ADAM28: variants seen among roughly 807,000 people sequenced by gnomAD.
The protein encoded by ADAM28 is disintegrin and metalloproteinase domain-containing protein 28.
ADAM28 carries 105 observed loss-of-function variants against 101.2 expected under a neutral mutation model. That is an observed-to-expected ratio of 1.04 (90% confidence interval 0.89 to 1.22). ADAM28 has a LOEUF of 1.22. ADAM28 is among the 50% of genes most tolerant of loss of function. The probability of loss-of-function intolerance (pLI) is 0.00; values close to 1 mark genes in which losing one functional copy is unlikely to be tolerated. For synonymous variants in ADAM28, 322 were observed against 310.6 expected, an observed-to-expected ratio of 1.04 and a Z score of -0.39; for missense variants, 1,028 against 945.4, an observed-to-expected ratio of 1.09 and a Z score of -1.15.
At chr8:24,309,511 C>A (rs1032113623) in intron 2 of ADAM28, among the ~76,000 whole-genome samples, 14 of 152,170 alleles carry the variant, frequency 9.2e-5, no homozygotes, top group Non-Finnish European at 1.8e-4. Flanking sequence ...CATCCATTAT[C>A]ATGCACATAA....
In ADAM28 at chr8:24,330,116, G is replaced by A. The variant is rs546070570; in HGVS notation, c.1103+1G>A. The A allele has an allele frequency of 2.5e-6, 4 of 1,612,538 alleles. No individual in the cohort carries two copies. Among genetic ancestry groups the A allele is most frequent in the South Asian group, 2.2e-5 (2 of 90,992 alleles). On this transcript the variant is annotated splice_donor_variant, in intron 11 of 22. Transcript: ENST00000265769. LOFTEE classifies it high-confidence loss of function. ...TATGTGTGATGGACAAAGCACTGAG[G>A]TGAGGCTCTCTGGGCCCTGGGGACA...
rs1232274980 is a variant in ADAM28, at chr8:24,357,841, C to CTGAT, written c.*3438_*3441dup. 6.6e-6 allele frequency: 1 copy of CTGAT among 152,130 alleles called. No individual in the cohort carries two copies. Among genetic ancestry groups the CTGAT allele is most frequent in the Non-Finnish European group, 1.5e-5 (1 of 68,032 alleles). The allele number at this position is 152,130 out of a possible 1,614,324, so 9.4% of individuals were successfully genotyped here. A position where few individuals can be genotyped will look rare whatever the true frequency, so the allele number is the denominator to read the frequency against. ...AGCACCGAGGATTTGCTTGAAATCT[C>CTGAT]TGATAGCCAGTATTCTCATTTATCA... On this transcript the variant is annotated 3_prime_UTR_variant, in exon 23 of 23. Coordinates refer to ENST00000265769, the MANE Select transcript of ADAM28 (RefSeq NM_014265.6).
chr8:24,319,680 T>A (rs1334553750), intron 6 of ADAM28, among the ~76,000 whole-genome samples: 1 of 151,920 alleles, frequency 6.6e-6, no homozygotes, highest in African/African-American at 2.4e-5. Context: ...TGTAACTTTT[T>A]TTTTTTTTGA....
intron 17 of ADAM28, 129 bp downstream of exon 17, chr8:24,343,310 T>C: frequency 4.9e-6 from 6 of 1,226,920 alleles, no homozygotes; most frequent in South Asian, 2.8e-5. Context: ...AAGCCTTCAG[T>C]AGCATGGTTC....
At chr8:24,306,351 AATAAATAAATAAATATATATAT>A (rs1279320161) in intron 2 of ADAM28, among the ~76,000 whole-genome samples, 49 of 106,566 alleles carry the variant, frequency 4.6e-4, no homozygotes, top group African/African-American at 2.3e-3. Context: ...CTCAAATACA[AATAAATAAATAAATATATATAT>A]ATATATATAT....
intron 7 of ADAM28, among the ~76,000 whole-genome samples, 164 bp from the exon 8 acceptor site, chr8:24,321,054 A>T (rs1160491555): frequency 6.6e-6 from 1 of 151,996 alleles, no homozygotes; most frequent in Non-Finnish European, 1.5e-5. Context: ...GCTTTAATGT[A>T]GCTAGATGAA....
intron 8 of ADAM28, 36 bp from the exon 9 acceptor site, chr8:24,323,798 T>C (rs767898978): frequency 6.4e-6 from 10 of 1,571,754 alleles, no homozygotes; most frequent in Non-Finnish European, 8.7e-6. Context: ...ATCACCATTA[T>C]AATTAATTGC....
At chr8:24,303,226 T>A (rs1253196965) in intron 2 of ADAM28, among the ~76,000 whole-genome samples, 2 of 152,190 alleles carry the variant, frequency 1.3e-5, no homozygotes, top group Non-Finnish European at 2.9e-5. Context: ...TGTGCTTATG[T>A]CCTGAATGGT....
chr8:24,335,099 G>A (rs1813843309), intron 13 of ADAM28, among the ~76,000 whole-genome samples: 1 of 151,694 alleles, frequency 6.6e-6, no homozygotes, highest in African/African-American at 2.4e-5. Context: ...TCTCCTTGGA[G>A]TTCCTGACAG....
At position 24,294,168 on chromosome 8, in the gene ADAM28, C is replaced by A. The variant is rs901768960; in HGVS notation, c.19C>A (p.Pro7Thr). 1 of 1,614,144 alleles carries A rather than the reference C, an allele frequency of 6.2e-7. No homozygotes were observed. Among genetic ancestry groups the A allele is most frequent in the Admixed American group, 1.7e-5 (1 of 60,008 alleles). Residue 7 changes from proline (P) to threonine (T), a missense_variant, in exon 1 of 23, where the codon CCA (proline) becomes ACA (threonine). Pro to Thr is a conservative substitution (Grantham distance 38). Coordinates refer to ENST00000265769, the MANE Select transcript of ADAM28 (RefSeq NM_014265.6). ...ACCCAGCATGTTGCAAGGTCTCCTG[C>A]CAGTCAGTCTCCTCCTCTCTGTTGC... The part of the protein sequence containing the change: MLQGLL[P>T]VSLLLSVAVS...
At position 24,355,404 on chromosome 8, in the gene ADAM28, A is replaced by G. The variant is rs932522764; in HGVS notation, c.*1000A>G. 6.6e-6 allele frequency: 1 copy of G among 152,062 alleles called. No homozygotes were observed. The allele number at this position is 152,062 out of a possible 1,614,324, so 9.4% of individuals were successfully genotyped here. A position where few individuals can be genotyped will look rare whatever the true frequency, so the allele number is the denominator to read the frequency against. ...TAGGAAAGAATATCCTATCTAATCT[A>G]TCTATCTCAGGGATAAATCCCTATC... is the stretch of plus-strand genomic sequence containing the variant. On this transcript the variant is annotated 3_prime_UTR_variant, in exon 23 of 23. Coordinates refer to ENST00000265769, the MANE Select transcript of ADAM28 (RefSeq NM_014265.6).
chr8:24,304,067 C>A (rs909925208), intron 2 of ADAM28, among the ~76,000 whole-genome samples: 1 of 151,520 alleles, frequency 6.6e-6, no homozygotes, highest in African/African-American at 2.4e-5. Context: ...ACACCAAACA[C>A]CCTTTTTTCA....
chr8:24,332,578 A>G, intron 12 of ADAM28, 82 bp from the exon 13 acceptor site: 1 of 658,254 alleles, frequency 1.5e-6, no homozygotes, highest in South Asian at 4.6e-5. Context: ...CATATGCCTG[A>G]TGAATATAGT....
intron 1 of ADAM28, among the ~76,000 whole-genome samples, chr8:24,299,600 G>A (rs779045420): frequency 3.9e-5 from 6 of 152,108 alleles, no homozygotes; most frequent in Non-Finnish European, 7.4e-5. Flanking sequence ...GGACTGATTC[G>A]CTTCTCAGAG....
chr8:24,294,635 T>C (rs1477822839), intron 1 of ADAM28, among the ~76,000 whole-genome samples: 1 of 151,838 alleles, frequency 6.6e-6, no homozygotes, highest in African/African-American at 2.4e-5. Flanking sequence ...TGGCTCTTTC[T>C]GTTTGAGTGT....
intron 2 of ADAM28, among the ~76,000 whole-genome samples, chr8:24,302,361 T>A (rs1194689541): frequency 6.6e-6 from 1 of 152,212 alleles, no homozygotes; most frequent in Non-Finnish European, 1.5e-5. Context: ...TTGGGTTGAT[T>A]CCACGTCACT....
Position 24,294,098 on chromosome 8 carries a change from A to G in ADAM28, c.-52A>G. 2 of 1,607,634 alleles carry G rather than the reference A, an allele frequency of 1.2e-6. No individual in the cohort carries two copies. The highest frequency in any genetic ancestry group is 1.7e-6 in the Non-Finnish European group (2 of 1,174,188). ...GAGAGGAGGCAGGGACAGACCCAGC[A>G]GCACCCACCTGAGCGAGAAGAGCAG... On this transcript the variant is annotated 5_prime_UTR_variant, in exon 1 of 23. Transcript: ENST00000265769.
chr8:24,354,510 CTCAAGAAGGTTAACATTTTCTGAT>C lies in ADAM28; in HGVS notation c.*110_*133del. On this transcript the variant is annotated 3_prime_UTR_variant, in exon 23 of 23. Coordinates refer to ENST00000265769, the MANE Select transcript of ADAM28 (RefSeq NM_014265.6). Reference sequence around the variant, plus strand: ...CTATCTCACCAGTATTTGCTCTCGACTCAAGAAGGTTAACATTTTCTGATTCATGTTAGACTTTGAAGAGACTAA... The same window carrying C: ...CTATCTCACCAGTATTTGCTCTCGACTCATGTTAGACTTTGAAGAGACTAA... 1 of 1,347,646 alleles carries C rather than the reference CTCAAGAAGGTTAACATTTTCTGAT, an allele frequency of 7.4e-7. No homozygotes were observed. The highest frequency in any genetic ancestry group is 1.5e-5 in the African/African-American group (1 of 66,054). 83.5% of individuals were successfully genotyped at this position (1,347,646 alleles called of 1,614,324 possible). A position where few individuals can be genotyped will look rare whatever the true frequency, so the allele number is the denominator to read the frequency against.
intron 18 of ADAM28, among the ~76,000 whole-genome samples, chr8:24,346,311 T>G (rs1003501234): frequency 6.6e-6 from 1 of 152,112 alleles, no homozygotes; most frequent in Non-Finnish European, 1.5e-5. Flanking sequence ...AGTTGTTGAA[T>G]GTATCTCCAA....
Sources: allele counts gnomAD v4.1 joint callset (sites outside exome capture counted in the v4.1 genomes callset), GRCh38; gene constraint gnomAD v4.1.1; transcripts MANE v1.5; gene names NCBI Gene and HGNC (gene_info 2026-07-23, HGNC 2026-07-21).